Variants in MSN observed in about 807,000 individuals in gnomAD.
MSN encodes the protein moesin, also known as epididymis luminal protein 70.
Under a neutral mutation model 48.0 loss-of-function variants are expected in MSN, and 2 were observed. That is an observed-to-expected ratio of 0.04 (90% CI 0.02 to 0.13). MSN has a LOEUF of 0.13. Among genes scored for constraint, MSN ranks in the 10% least tolerant of loss-of-function variants. The probability of loss-of-function intolerance (pLI) is 1.00; values close to 1 mark genes in which losing one functional copy is unlikely to be tolerated. For synonymous variants in MSN, 146 were observed against 166.9 expected, an observed-to-expected ratio of 0.87 and a Z score of 0.97; for missense variants, 267 against 470.1, an observed-to-expected ratio of 0.57 and a Z score of 3.99.
At chrX:65,732,093 T>TA (rs1405479143) in intron 6 of MSN, 109 bp downstream of exon 6, 1 of 865,048 alleles carries the variant, frequency 1.2e-6, no homozygotes, top group Non-Finnish European at 1.6e-6. Flanking sequence ...GTTCTTTTTC[T>TA]ACCTAATTTA....
At chrX:65,710,729 TA>T (rs1269771883) in intron 1 of MSN, among the ~76,000 whole-genome samples, 1 of 111,442 alleles carries the variant, frequency 9.0e-6, no homozygotes. Context: ...CTTTTTTTTT[TA>T]GATGAAGTCT....
intron 1 of MSN, among the ~76,000 whole-genome samples, chrX:65,685,825 A>G (rs754108890): frequency 5.3e-5 from 6 of 112,448 alleles, no homozygotes; most frequent in Non-Finnish European, 7.5e-5. Flanking sequence ...GCTTCAAGCA[A>G]TCTTCCTGCC....
At chrX:65,693,051 C>A (rs928457906) in intron 1 of MSN, among the ~76,000 whole-genome samples, 8 of 111,828 alleles carry the variant, frequency 7.2e-5, no homozygotes, top group Non-Finnish European at 1.5e-4. Flanking sequence ...TTATTGTATA[C>A]CTATTTCTTA....
chrX:65,664,284 C>G (rs968450906), upstream of MSN, among the ~76,000 whole-genome samples: 1 of 110,756 alleles, frequency 9.0e-6, no homozygotes, highest in African/African-American at 3.3e-5. Context: ...CACCTACAGA[C>G]ATAAACATGG....
At chrX:65,667,542 G>T (rs919633602), upstream of MSN, 2 of 724,149 alleles carry the variant, frequency 2.8e-6, no homozygotes, top group Non-Finnish European at 3.3e-6. Flanking sequence ...GCCGGGCCTG[G>T]CCAGGCGGGG....
intron 1 of MSN, among the ~76,000 whole-genome samples, chrX:65,614,778 T>C (rs1288204599): frequency 1.9e-5 from 2 of 102,887 alleles, no homozygotes; most frequent in Non-Finnish European, 4.0e-5. Context: ...AATGTATACA[T>C]GTGCCATGCT....
chrX:65,633,942 T>A (rs1156826972), intron 1 of MSN, among the ~76,000 whole-genome samples: 2 of 111,679 alleles, frequency 1.8e-5, no homozygotes, highest in African/African-American at 6.5e-5. Context: ...GAGTATGGCC[T>A]TGAACTTACT....
At chrX:65,598,381 A>C (rs1185994269) in intron 1 of MSN, among the ~76,000 whole-genome samples, 1 of 110,030 alleles carries the variant, frequency 9.1e-6, no homozygotes, top group African/African-American at 3.3e-5. Flanking sequence ...AGAGAGAAAG[A>C]AACAGAGAAG....
At chrX:65,593,079 C>T (rs941979293) in intron 1 of MSN, among the ~76,000 whole-genome samples, 7 of 111,145 alleles carry the variant, frequency 6.3e-5, no homozygotes, top group African/African-American at 2.3e-4. Context: ...TTTATTAATT[C>T]TTTATTATTT....
intron 1 of MSN, among the ~76,000 whole-genome samples, chrX:65,640,474 G>A (rs774750199): frequency 8.9e-6 from 1 of 112,241 alleles, no homozygotes; most frequent in East Asian, 2.8e-4. Context: ...AACCTGGGAG[G>A]TGGAGGTTGC....
chrX:65,616,421 C>A (rs1602721139), intron 1 of MSN, among the ~76,000 whole-genome samples: 1 of 82,227 alleles, frequency 1.2e-5, no homozygotes, highest in Non-Finnish European at 2.4e-5. Flanking sequence ...AGGTCCTTCA[C>A]ATCCCTTGTA....
At chrX:65,608,494 C>T (rs966100672) in intron 1 of MSN, among the ~76,000 whole-genome samples, 1 of 109,847 alleles carries the variant, frequency 9.1e-6, no homozygotes, top group Non-Finnish European at 1.9e-5. Context: ...TTGTGGGTGT[C>T]AGTGTCCTTG....
chrX:65,692,246 A>G (rs2071180432), intron 1 of MSN, among the ~76,000 whole-genome samples: 1 of 112,496 alleles, frequency 8.9e-6, no homozygotes, highest in African/African-American at 3.2e-5. Context: ...CCTGGGAGTC[A>G]GGTACTTTAT....
intron 1 of MSN, among the ~76,000 whole-genome samples, chrX:65,647,414 T>C (rs1449576777): frequency 9.0e-6 from 1 of 111,558 alleles, no homozygotes; most frequent in Non-Finnish European, 1.9e-5. Flanking sequence ...GATTTTGCCA[T>C]GTTGGCCAGG....
chrX:65,690,380 A>G (rs893017399), intron 1 of MSN, among the ~76,000 whole-genome samples: 1 of 111,525 alleles, frequency 9.0e-6, no homozygotes, highest in Non-Finnish European at 1.9e-5. Flanking sequence ...AAACTTGGTC[A>G]GAGGTCCAGA....
At chrX:65,616,281 G>A (rs2070370847) in intron 1 of MSN, among the ~76,000 whole-genome samples, 1 of 102,764 alleles carries the variant, frequency 9.7e-6, no homozygotes, top group Non-Finnish European at 2.0e-5. Flanking sequence ...CATTGAATCT[G>A]TAAATTACCT....
rs1421766152 is a variant in MSN, at chrX:65,739,212, A to G, written c.1569+18A>G. On this transcript the variant is annotated intron_variant, in intron 12 of 12. Coordinates refer to ENST00000360270, the MANE Select transcript of MSN (RefSeq NM_002444.3). ...ACCTGAAGGTATACAAGTAGGGCCA[A>G]GGGGCAAGGAAACTATATGCATTGA... 8.5e-7 allele frequency: 1 copy of G among 1,179,339 alleles called. No individual in the cohort carries two copies. Among genetic ancestry groups the G allele is most frequent in the East Asian group, 3.0e-5 (1 of 32,996 alleles).
chrX:65,727,469 T>C (rs1309731848), intron 2 of MSN, among the ~76,000 whole-genome samples: 1 of 112,060 alleles, frequency 8.9e-6, no homozygotes, highest in Non-Finnish European at 1.9e-5. Flanking sequence ...CTTGGGCAAG[T>C]TATTTCATTT....
chrX:65,618,224 C>T (rs967044205), intron 1 of MSN, among the ~76,000 whole-genome samples: 66 of 111,273 alleles, frequency 5.9e-4, no homozygotes, highest in South Asian at 2.2e-3. Context: ...CTATTAGGTC[C>T]GCTTGGTGCA....
Sources: gnomAD v4.1 joint callset for allele counts (sites outside exome capture counted in the v4.1 genomes callset) on GRCh38, gnomAD v4.1.1 for gene constraint, MANE v1.5 for transcripts, NCBI Gene and HGNC (gene_info 2026-07-23, HGNC 2026-07-21) for gene names.